Variants in TEKT4 observed in about 807,000 individuals in gnomAD.
TEKT4 encodes the protein tektin 4, also known as tektin-4.
TEKT4 carries 46 observed loss-of-function variants against 46.0 expected under a neutral mutation model. The ratio of observed to expected loss-of-function variants is 1.00; its 90% CI spans 0.79 to 1.28. The LOEUF (loss-of-function observed/expected upper bound fraction) is 1.28. Among genes scored for constraint, TEKT4 ranks in the 50% most tolerant of loss-of-function variants. The pLI is 0.00. For synonymous variants in TEKT4, 325 were observed against 265.8 expected (o/e 1.22, Z -2.17); for missense variants, 790 against 622.9 (o/e 1.27, Z -2.85).
rs1553396486 is a variant in TEKT4, at chr2:94,876,198, C to T, written c.1092-355C>T. 9.2e-5 allele frequency among the ~76,000 whole-genome samples: 14 copies of T among 152,298 alleles called. 1 individual carries two copies. Among genetic ancestry groups the T allele is most frequent in the Admixed American group, 2.6e-4 (4 of 15,302 alleles). On this transcript the variant is annotated intron_variant, in intron 5 of 5. Transcript: ENST00000295201. ...CCTTGATAACGGATGCCCGGTGGCC[C>T]CTTCTAAGTACCTTTCTTCTTTCCC...
intron 3 of TEKT4, 41 bp from the exon 4 acceptor site, chr2:94,874,735 G>C (rs1553395770): frequency 6.7e-7 from 1 of 1,498,568 alleles, no homozygotes; most frequent in Admixed American, 2.1e-5. Flanking sequence ...GCCTTCGGCA[G>C]AGCCTCCCCG....
chr2:94,873,610 AG>A lies in TEKT4; in HGVS notation c.569+23del. 1 of 1,613,438 alleles carries A rather than the reference AG, an allele frequency of 6.2e-7. No individual in the cohort carries two copies. Among genetic ancestry groups the A allele is most frequent in the Non-Finnish European group, 8.5e-7 (1 of 1,179,862 alleles). On this transcript the variant is annotated intron_variant, in intron 2 of 5. Transcript: ENST00000295201. ...GATCCGGTGGGTAGAGGGCTGCCCA[AG>A]GGATGATTCCTGACCCTACCCACAG...
At chr2:94,874,449 G>C (rs868952383) in intron 3 of TEKT4, among the ~76,000 whole-genome samples, 1 of 151,588 alleles carries the variant, frequency 6.6e-6, no homozygotes, top group Middle Eastern at 3.4e-3. Flanking sequence ...CGGGCGCTGG[G>C]TACTAGGGAA....
In TEKT4 at chr2:94,871,770, G is replaced by C; in HGVS notation, c.191G>C (p.Arg64Pro). The change falls in exon 1 of 6, where the codon CGG becomes CCG. Residue 64 changes from arginine to proline, a missense_variant. Physicochemically the swap from Arg to Pro is moderately radical, Grantham distance 103 (BLOSUM62 -2). Coordinates refer to ENST00000295201, the MANE Select transcript of TEKT4 (RefSeq NM_144705.4). ...QAFADRDQSE[R>P]QRHESQQLAT... ...TTCGCCGACCGCGACCAGTCGGAGC[G>C]GCAGCGGCACGAGAGCCAGCAGCTG... 2 of 1,612,366 alleles carry C rather than the reference G, an allele frequency of 1.2e-6. No individual in the cohort carries two copies. Among genetic ancestry groups the C allele is most frequent in the Non-Finnish European group, 1.7e-6 (2 of 1,179,784 alleles).
rs1162533859 is a variant in TEKT4, at chr2:94,872,079, T to C, written c.498+2T>C. ...CATGTGGAAACGGAGCTGCTGAAGGTGCCAGCACCCTTGGGTGGCCGGGAT... is the reference window on the plus strand; with the variant it reads ...CATGTGGAAACGGAGCTGCTGAAGGCGCCAGCACCCTTGGGTGGCCGGGAT... On this transcript the variant is annotated splice_donor_variant, in intron 1 of 5. Coordinates refer to ENST00000295201, the MANE Select transcript of TEKT4 (RefSeq NM_144705.4). LOFTEE classifies it high-confidence loss of function. 6.5e-7 allele frequency: 1 copy of C among 1,533,264 alleles called. No homozygotes were observed. The highest frequency in any genetic ancestry group is 2.5e-5 in the East Asian group (1 of 40,588). The allele number at this position is 1,533,264 out of a possible 1,614,324, so 95.0% of individuals were successfully genotyped here.
In TEKT4 at chr2:94,871,970, G is replaced by A. The variant is rs535505507; in HGVS notation, c.391G>A (p.Asp131Asn). 2.3e-5 allele frequency: 37 copies of A among 1,600,506 alleles called. No individual in the cohort carries two copies. In the East Asian group the frequency reaches 7.9e-4, roughly 34 times the overall value. Residue 131 changes from aspartate (D) to asparagine (N), a missense_variant, in exon 1 of 6, where the codon GAC (aspartate) becomes AAC (asparagine). Physicochemically the swap from Asp to Asn is conservative, Grantham distance 23. Coordinates refer to ENST00000295201, the MANE Select transcript of TEKT4 (RefSeq NM_144705.4). ...GAAGCAACGGCTGGAGCGCGCCCTG[G>A]ACGCCACAGAGGTGCCCTTCTCCAT... Reference protein sequence around the residue: ...AQKQRLERALDATEVPFSITT... With the variant: ...AQKQRLERALNATEVPFSITT...
In TEKT4 at chr2:94,871,810, G is replaced by C; in HGVS notation, c.231G>C (p.Gln77His). 1 of 1,609,680 alleles carries C rather than the reference G, an allele frequency of 6.2e-7. No homozygotes were observed. The highest frequency in any genetic ancestry group is 8.5e-7 in the Non-Finnish European group (1 of 1,178,180). The change falls in exon 1 of 6, where the codon CAG (glutamine) becomes CAC (histidine). Residue 77 changes from glutamine to histidine, a missense_variant. Physicochemically the swap from Gln to His is conservative, Grantham distance 24 (BLOSUM62 0). Transcript: ENST00000295201. ...GCCAGCAGCTGGCCACAGAGACCCAGGCGCTGGCGCAGCGCACGCAGCAAG... is the reference window on the plus strand; with the variant it reads ...GCCAGCAGCTGGCCACAGAGACCCACGCGCTGGCGCAGCGCACGCAGCAAG... Reference protein sequence around the residue: ...HESQQLATETQALAQRTQQDS... With the variant: ...HESQQLATETHALAQRTQQDS...
chr2:94,875,772 G>A, intron 5 of TEKT4, 30 bp downstream of exon 5: 5 of 1,606,460 alleles, frequency 3.1e-6, no homozygotes, highest in Non-Finnish European at 4.3e-6. Flanking sequence ...GGCAGTCCCA[G>A]GTGGCCCTGT....
chr2:94,875,145 G>C, intron 4 of TEKT4, 147 bp downstream of exon 4: 1 of 891,744 alleles, frequency 1.1e-6, no homozygotes. Context: ...GGTGACACTG[G>C]GTATGATCGA....
chr2:94,872,185 C>G (rs1280903712), intron 1 of TEKT4, 108 bp downstream of exon 1: 1 of 1,392,598 alleles, frequency 7.2e-7, no homozygotes, highest in Admixed American at 2.6e-5. Context: ...ACGCGGGAGC[C>G]CAGCCCTCTG....
Position 94,875,762 on chromosome 2 carries a change from G to A in TEKT4, c.1091+20G>A. 2 of 1,610,340 alleles carry A rather than the reference G, an allele frequency of 1.2e-6. No homozygotes were observed. The highest frequency in any genetic ancestry group is 1.7e-6 in the Non-Finnish European group (2 of 1,177,686). On this transcript the variant is annotated intron_variant, in intron 5 of 5. Coordinates refer to ENST00000295201, the MANE Select transcript of TEKT4 (RefSeq NM_144705.4). The stretch of plus-strand genomic sequence containing the variant: ...GTTCAGGTGCTGCCTGGGCCTCTGA[G>A]GCAGTCCCAGGTGGCCCTGTCCACC...
At chr2:94,873,880 C>T in intron 2 of TEKT4, 85 bp from the exon 3 acceptor site, 1 of 1,559,332 alleles carries the variant, frequency 6.4e-7, no homozygotes, top group Non-Finnish European at 8.7e-7. Flanking sequence ...CTGAGGCAGG[C>T]ATTGGGGCCC....
intron 1 of TEKT4, chr2:94,872,839 A>T (rs782351893): frequency 8.5e-6 from 11 of 1,289,158 alleles, no homozygotes; most frequent in Non-Finnish European, 1.1e-5. Flanking sequence ...GCACTCTCTC[A>T]GTGCCTCAAG....
intron 2 of TEKT4, 132 bp downstream of exon 2, chr2:94,873,722 C>G: frequency 7.4e-7 from 1 of 1,347,648 alleles, no homozygotes; most frequent in Non-Finnish European, 1.0e-6. Context: ...GAGCGCAGGA[C>G]TGGGTGGGGG....
intron 4 of TEKT4, among the ~76,000 whole-genome samples, 171 bp downstream of exon 4, chr2:94,875,169 CCCT>C (rs1680786274): frequency 6.6e-6 from 1 of 152,198 alleles, no homozygotes; most frequent in South Asian, 2.1e-4. Flanking sequence ...GTGTTGCCAC[CCCT>C]ATGACTCAGC....
intron 2 of TEKT4, 71 bp from the exon 3 acceptor site, chr2:94,873,894 C>T (rs574054726): frequency 1.9e-6 from 3 of 1,591,170 alleles, no homozygotes; most frequent in East Asian, 4.5e-5. Context: ...GGGGCCCAGC[C>T]TGCAGCACAG....
In TEKT4 at chr2:94,874,744, C is replaced by G. The variant is rs80191464; in HGVS notation, c.714-32C>G. On this transcript the variant is annotated intron_variant, in intron 3 of 5. Transcript: ENST00000295201. ...CTCCCAGCCTTCGGCAGAGCCTCCC[C>G]GACCCTCTCCTGGCTGTCCCCCGCC... The G allele has an allele frequency of 4.1e-4, 627 of 1,515,842 alleles. 4 individuals carry two copies. The African/African-American group carries it at 7.3e-3, about 18-fold the overall frequency. The allele number at this position is 1,515,842 out of a possible 1,614,324, so 93.9% of individuals were successfully genotyped here.
In TEKT4 at chr2:94,871,901, G is replaced by T; in HGVS notation, c.322G>T (p.Glu108Ter). Reference protein sequence around the residue: ...THSWKSELQREMEALAAETNL... With the variant: ...THSWKSELQR ...CAGCTGGAAGTCGGAGCTGCAGCGTGAGATGGAGGCGCTGGCTGCGGAGAC... is the reference window on the plus strand; with the variant it reads ...CAGCTGGAAGTCGGAGCTGCAGCGTTAGATGGAGGCGCTGGCTGCGGAGAC... The change falls in exon 1 of 6, where the codon GAG (glutamate) becomes TAG (stop). Residue 108 changes from glutamate (E) to a stop codon, truncating the protein, a stop_gained. Transcript: ENST00000295201. LOFTEE classifies it high-confidence loss of function. The T allele has an allele frequency of 6.3e-7, 1 of 1,597,726 alleles. No homozygotes were observed.
chr2:94,876,343 G>A (rs1301936380), intron 5 of TEKT4, among the ~76,000 whole-genome samples: 1 of 152,120 alleles, frequency 6.6e-6, no homozygotes, highest in Admixed American at 6.5e-5. Flanking sequence ...TTGCACACGG[G>A]TCACTCATTC....
Sources: allele counts gnomAD v4.1 joint callset (sites outside exome capture counted in the v4.1 genomes callset), GRCh38; gene constraint gnomAD v4.1.1; transcripts MANE v1.5; gene names NCBI Gene and HGNC (gene_info 2026-07-23, HGNC 2026-07-21).